HYDIN: variants seen among roughly 807,000 people sequenced by gnomAD.
HYDIN encodes the protein HYDIN axonemal central pair apparatus protein, also known as axonemal central pair apparatus protein HYDIN.
Under a neutral mutation model 403.9 loss-of-function variants are expected in HYDIN, and 132 were observed. That is an observed-to-expected ratio of 0.33 (90% confidence interval 0.28 to 0.38). HYDIN has a LOEUF of 0.38. HYDIN is among the 10% of genes least tolerant of loss of function. The pLI, the probability that HYDIN is intolerant of heterozygous loss-of-function variation, is 1.00. For synonymous variants in HYDIN, 1,202 were observed against 1,891.7 expected, an observed-to-expected ratio of 0.64 and a Z score of 9.46; for missense variants, 2,827 against 5,009.5, an observed-to-expected ratio of 0.56 and a Z score of 13.15.
intron 75 of HYDIN, among the ~76,000 whole-genome samples, chr16:70,849,153 T>A (rs1400140221): frequency 6.6e-6 from 1 of 152,058 alleles, no homozygotes; most frequent in Non-Finnish European, 1.5e-5. Flanking sequence ...TGCCAAATTG[T>A]TGGTTTTCAA....
chr16:71,191,187 C>G (rs908900100), intron 1 of HYDIN, among the ~76,000 whole-genome samples: 2 of 151,978 alleles, frequency 1.3e-5, no homozygotes, highest in South Asian at 2.1e-4. Flanking sequence ...CAAACTATAC[C>G]CATTCCAAAA....
intron 5 of HYDIN, among the ~76,000 whole-genome samples, chr16:71,163,151 C>T: frequency 7.4e-6 from 1 of 135,492 alleles, no homozygotes; most frequent in Non-Finnish European, 1.5e-5. Context: ...GAGACAGAGT[C>T]TCGCTCTGTC....
intron 75 of HYDIN, among the ~76,000 whole-genome samples, chr16:70,843,039 A>C (rs1447731275): frequency 2.0e-5 from 3 of 150,852 alleles, no homozygotes; most frequent in Admixed American, 6.6e-5. Context: ...TTATTTATTT[A>C]TTTATTCTTT....
At chr16:71,227,063 G>A (rs2041064035) in intron 1 of HYDIN, among the ~76,000 whole-genome samples, 1 of 151,908 alleles carries the variant, frequency 6.6e-6, no homozygotes, top group East Asian at 1.9e-4. Flanking sequence ...TTTTAAAAAG[G>A]AAAGATGTGT....
At chr16:70,861,325 T>C (rs924887835) in intron 69 of HYDIN, among the ~76,000 whole-genome samples, 8 of 151,780 alleles carry the variant, frequency 5.3e-5, no homozygotes, top group African/African-American at 1.9e-4. Context: ...GGCCTAGGTG[T>C]GGGAGGGGTC....
At chr16:70,825,295 G>A (rs1229609114) in intron 83 of HYDIN, among the ~76,000 whole-genome samples, 2 of 151,340 alleles carry the variant, frequency 1.3e-5, no homozygotes, top group African/African-American at 2.4e-5. Flanking sequence ...TTTCTGAAAC[G>A]TTGCTCTAAT....
At chr16:70,867,023 C>T (rs1391574017) in intron 66 of HYDIN, among the ~76,000 whole-genome samples, 1 of 118,028 alleles carries the variant, frequency 8.5e-6, no homozygotes, top group Non-Finnish European at 1.8e-5. Context: ...AAACTCTGTC[C>T]CCCTCAAAAA....
Position 70,808,067 on chromosome 16 carries a change from A to G in HYDIN, c.14884-5T>C. On this transcript the variant is annotated splice_region_variant and splice_polypyrimidine_tract_variant and intron_variant, in intron 85 of 85. Coordinates refer to ENST00000393567, the MANE Select transcript of HYDIN (RefSeq NM_001270974.2). Reference sequence around the variant, plus strand: ...GTGGAAGTCTGTACAGTCGGTCTGAAAGGGGAACAAACAAACTCAGCTCAC... The same window carrying G: ...GTGGAAGTCTGTACAGTCGGTCTGAGAGGGGAACAAACAAACTCAGCTCAC... 1 of 1,594,706 alleles carries G rather than the reference A, an allele frequency of 6.3e-7. No homozygotes were observed. The highest frequency in any genetic ancestry group is 8.6e-7 in the Non-Finnish European group (1 of 1,168,690).
rs1186883536 is a variant in HYDIN, at chr16:70,879,642, G to A, written c.10330C>T (p.Gln3444Ter). The change falls in exon 61 of 86, where the codon CAG (glutamine) becomes TAG (stop). Residue 3444 changes from glutamine (Q) to a stop codon, truncating the protein, a stop_gained. Transcript: ENST00000393567. LOFTEE classifies it high-confidence loss of function. ...SFTPQIMQNY[Q>*]CIFEATLDGL... ...TCCAAGGTAGCCTCAAAGATGCACT[G>A]GTAGTTCTGCATGATCTGCGGGGTG... 6.2e-7 allele frequency: 1 copy of A among 1,611,486 alleles called. No homozygotes were observed. The highest frequency in any genetic ancestry group is 8.5e-7 in the Non-Finnish European group (1 of 1,179,324).
intron 21 of HYDIN, among the ~76,000 whole-genome samples, chr16:71,024,024 A>G (rs1272883874): frequency 6.6e-6 from 1 of 152,162 alleles, no homozygotes; most frequent in African/African-American, 2.4e-5. Context: ...AGGCTGTGAA[A>G]TTTATCAGGG....
chr16:71,024,131 T>G (rs1321341335), intron 21 of HYDIN, among the ~76,000 whole-genome samples: 1 of 152,216 alleles, frequency 6.6e-6, no homozygotes, highest in African/African-American at 2.4e-5. Context: ...GCATGATGGT[T>G]TCAGTGAATC....
chr16:71,230,223 C>T (rs2041219203), intron 1 of HYDIN, among the ~76,000 whole-genome samples: 1 of 152,202 alleles, frequency 6.6e-6, no homozygotes, highest in East Asian at 1.9e-4. Flanking sequence ...TGGAACTGTA[C>T]ACCTAAAAGA....
intron 45 of HYDIN, among the ~76,000 whole-genome samples, chr16:70,921,528 G>C (rs1182693821): frequency 2.0e-5 from 3 of 152,172 alleles, no homozygotes; most frequent in East Asian, 1.9e-4. Context: ...AAGGGGAAAA[G>C]ACTAGCAGAT....
rs532157313 is a variant in HYDIN, at chr16:71,114,457, C to T, written c.1327+1239G>A. Among the ~76,000 whole-genome samples the T allele has an allele frequency of 1.4e-3, 211 of 151,934 alleles. 1 individual carries two copies. The highest frequency in any genetic ancestry group is 4.9e-3 in the African/African-American group (202 of 41,350). ...CGTCTAGCAAAGGAGATAATCCAGG[C>T]TCATCTTATTCTTTCCCTACCTTGG... On this transcript the variant is annotated intron_variant, in intron 10 of 85. Coordinates refer to ENST00000393567, the MANE Select transcript of HYDIN (RefSeq NM_001270974.2).
intron 1 of HYDIN, among the ~76,000 whole-genome samples, chr16:71,216,695 A>G (rs1314024867): frequency 3.3e-5 from 5 of 152,226 alleles, no homozygotes; most frequent in African/African-American, 1.2e-4. Flanking sequence ...TATTTCTTAA[A>G]ATTTGGAAAG....
rs375563613 is a variant in HYDIN, at chr16:71,072,633, A to G, written c.1739-3131T>C. 2.3e-3 allele frequency among the ~76,000 whole-genome samples: 356 copies of G among 151,826 alleles called. 5 individuals carry two copies. The highest frequency in any genetic ancestry group is 8.0e-3 in the African/African-American group (330 of 41,422). ...GTTCTCCGAGGTTCTGAGTTCCTTGATGAAGAGTTTTACCTTTAGCTCTGA... is the reference window on the plus strand; with the variant it reads ...GTTCTCCGAGGTTCTGAGTTCCTTGGTGAAGAGTTTTACCTTTAGCTCTGA... On this transcript the variant is annotated intron_variant, in intron 13 of 85. Transcript: ENST00000393567.
intron 39 of HYDIN, chr16:70,959,295 T>C (rs1347505052): frequency 1.6e-5 from 3 of 193,298 alleles, no homozygotes; most frequent in African/African-American, 7.1e-5. Flanking sequence ...ACAGTCATCA[T>C]AGTAATAATA....
intron 73 of HYDIN, among the ~76,000 whole-genome samples, chr16:70,854,036 C>T (rs1251742985): frequency 6.6e-6 from 1 of 150,766 alleles, no homozygotes; most frequent in Admixed American, 6.6e-5. Flanking sequence ...TGTGCCACCA[C>T]GCCTGGCTAA....
rs771817021 is a variant in HYDIN at position 71,069,338 on chromosome 16, T to C, written c.1903A>G (p.Met635Val). The C allele has an allele frequency of 1.3e-5, 21 of 1,614,050 alleles. No individual in the cohort carries two copies. The highest frequency in any genetic ancestry group is 5.5e-5 in the South Asian group (5 of 91,072). The stretch of plus-strand genomic sequence containing the variant: ...GAGATGGTGAATTCTTTTGGTTTCA[T>C]TGAGGATATTTCTTCCTTGGTCCAA... Reference protein sequence around the residue: ...PSWTKEEISSMKPKEFTISPD... With the variant: ...PSWTKEEISSVKPKEFTISPD... Residue 635 changes from methionine (M) to valine (V), a missense_variant, in exon 14 of 86, where the codon ATG becomes GTG. Transcript: ENST00000393567.
Sources: gnomAD v4.1 joint callset for allele counts (sites outside exome capture counted in the v4.1 genomes callset) on GRCh38, gnomAD v4.1.1 for gene constraint, MANE v1.5 for transcripts, NCBI Gene and HGNC (gene_info 2026-07-23, HGNC 2026-07-21) for gene names.